Variants in PHETA1 observed in about 807,000 individuals in gnomAD.
The protein encoded by PHETA1 is PH domain containing endocytic trafficking adaptor 1.
For missense variants in PHETA1, 348 were observed against 373.5 expected (o/e 0.93, Z 0.56); for synonymous variants, 155 against 168.9 (o/e 0.92, Z 0.64).
At position 111,363,379 on chromosome 12, in the gene PHETA1, G is replaced by C. The variant is rs1380140038; in HGVS notation, c.49C>G (p.Pro17Ala). 8 of 1,612,846 alleles carry C rather than the reference G, an allele frequency of 5.0e-6. No individual in the cohort carries two copies. The highest frequency in any genetic ancestry group is 6.8e-6 in the Non-Finnish European group (8 of 1,179,866). The change falls in exon 3 of 3, where the codon CCG becomes GCG. Residue 17 changes from proline to alanine, a missense_variant. Pro to Ala is a conservative substitution (Grantham distance 27, BLOSUM62 -1). Coordinates refer to ENST00000683047, the MANE Select transcript of PHETA1 (RefSeq NM_144671.6). This position sits in a 1 kb window ranked among gnomAD's most constrained non-coding sequence, Gnocchi z 7.4. ...TACAGGAAGCCTGCATTGTCCACCG[G>C]GGCGTCACAGGTGGCGTAGAAGGCC... ...SLAFYATCDA[P>A]VDNAGFLYKK...
In PHETA1 at chr12:111,363,295, T is replaced by C; in HGVS notation, c.133A>G (p.Met45Val). The change falls in exon 3 of 3, where the codon ATG becomes GTG. Residue 45 changes from methionine to valine, a missense_variant. Coordinates refer to ENST00000683047, the MANE Select transcript of PHETA1 (RefSeq NM_144671.6). The surrounding 1 kb of genome is among the most constrained non-coding windows in gnomAD (Gnocchi z 7.4). The part of the protein sequence containing the change: ...HRRWFVLRGN[M>V]LFYFEDAASR... ...GCAGCGTCCTCGAAGTAGAAGAGCA[T>C]GTTCCCGCGCAGCACGAACCAGCGC... 2 of 1,613,160 alleles carry C rather than the reference T, an allele frequency of 1.2e-6. No individual in the cohort carries two copies. Among genetic ancestry groups the C allele is most frequent in the Non-Finnish European group, 1.7e-6 (2 of 1,179,930 alleles).
rs1868557353 is a variant in PHETA1, at chr12:111,360,927, A to T, written c.*1751T>A. On this transcript the variant is annotated 3_prime_UTR_variant, in exon 3 of 3. Transcript: ENST00000683047. Reference sequence around the variant, plus strand: ...GACACGGGGCTCTGGGAAGCTCTGAACCCCTCCCATGCCCCAGATCCTGTG... The same window carrying T: ...GACACGGGGCTCTGGGAAGCTCTGATCCCCTCCCATGCCCCAGATCCTGTG... 6.6e-6 allele frequency: 1 copy of T among 152,442 alleles called. No individual in the cohort carries two copies. The highest frequency in any genetic ancestry group is 2.4e-5 in the African/African-American group (1 of 41,322). The allele number at this position is 152,442 out of a possible 1,614,324, so 9.4% of individuals were successfully genotyped here. A position where few individuals can be genotyped will look rare whatever the true frequency, so the allele number is the denominator to read the frequency against.
chr12:111,365,754 G>C, intron 2 of PHETA1: 6 of 245,070 alleles, frequency 2.4e-5, no homozygotes, highest in Admixed American at 5.5e-5. Context: ...ACATATCGGG[G>C]CCTGTTGGGG....
Position 111,362,895 on chromosome 12 carries a change from G to A in PHETA1, c.533C>T (p.Pro178Leu). The A allele has an allele frequency of 6.6e-7, 1 of 1,519,758 alleles. No individual in the cohort carries two copies. The highest frequency in any genetic ancestry group is 8.8e-7 in the Non-Finnish European group (1 of 1,138,162). The allele number at this position is 1,519,758 out of a possible 1,614,324, so 94.1% of individuals were successfully genotyped here. A position where few individuals can be genotyped will look rare whatever the true frequency, so the allele number is the denominator to read the frequency against. ...ATTCTCCTTGGGCGGGAGGGCACTG[G>A]GCCGGCGGGGCAGGGGCAGGGCTGG... is the stretch of plus-strand genomic sequence containing the variant. ...PVPALPLPRR[P>L]SALPPKENGC... is the part of the protein sequence containing the mutation. The change falls in exon 3 of 3, where the codon CCC becomes CTC. Residue 178 changes from proline (P) to leucine (L), a missense_variant. Physicochemically the swap from Pro to Leu is moderately conservative, Grantham distance 98. Transcript: ENST00000683047.
chr12:111,363,033 C>T lies in PHETA1; in HGVS notation c.395G>A (p.Gly132Asp). Residue 132 changes from glycine to aspartate, a missense_variant, in exon 3 of 3, where the codon GGC becomes GAC. By Grantham distance (94) the Gly-to-Asp change is moderately conservative. Coordinates refer to ENST00000683047, the MANE Select transcript of PHETA1 (RefSeq NM_144671.6). This position sits in a 1 kb window ranked among gnomAD's most constrained non-coding sequence, Gnocchi z 7.4. ...CTGGGGCAGGGCCATGCCACCCCCG[C>T]CACGTACAGCCGCCAGCTGCTGCTC... is the stretch of plus-strand genomic sequence containing the variant. ...ELEQQLAAVR[G>D]GGGMALPQPQ... 1 of 1,522,536 alleles carries T rather than the reference C, an allele frequency of 6.6e-7. No homozygotes were observed. The highest frequency in any genetic ancestry group is 8.8e-7 in the Non-Finnish European group (1 of 1,142,258). The allele number at this position is 1,522,536 out of a possible 1,614,324, so 94.3% of individuals were successfully genotyped here. A position where few individuals can be genotyped will look rare whatever the true frequency, so the allele number is the denominator to read the frequency against.
At chr12:111,365,201 C>T (rs1322403397) in intron 2 of PHETA1, among the ~76,000 whole-genome samples, 1 of 152,256 alleles carries the variant, frequency 6.6e-6, no homozygotes, top group East Asian at 1.9e-4. Context: ...TTATCTCCCA[C>T]TGCAGAGCCT....
intron 2 of PHETA1, among the ~76,000 whole-genome samples, chr12:111,364,794 G>T (rs1479858742): frequency 1.3e-5 from 2 of 152,036 alleles, no homozygotes; most frequent in African/African-American, 2.4e-5. Context: ...CAGGCATGGT[G>T]GGGGGTGCCT....
intron 2 of PHETA1, among the ~76,000 whole-genome samples, chr12:111,365,323 G>A (rs1400576346): frequency 6.6e-6 from 1 of 152,232 alleles, no homozygotes; most frequent in African/African-American, 2.4e-5. Context: ...CTTTCTCAGA[G>A]CCTGGTGGAA....
rs373506063 is a variant in PHETA1, at chr12:111,363,274, C to A, written c.154G>T (p.Ala52Ser). Residue 52 changes from alanine (A) to serine (S), a missense_variant, in exon 3 of 3, where the codon GCT becomes TCT. By Grantham distance (99) the Ala-to-Ser change is moderately conservative. Coordinates refer to ENST00000683047, the MANE Select transcript of PHETA1 (RefSeq NM_144671.6). This position sits in a 1 kb window ranked among gnomAD's most constrained non-coding sequence, Gnocchi z 7.4. ...RGNMLFYFED[A>S]ASREPVGVII... ...ACGCCCACGGGCTCACGGCTGGCAG[C>A]GTCCTCGAAGTAGAAGAGCATGTTC... 6.2e-7 allele frequency: 1 copy of A among 1,613,008 alleles called. No individual in the cohort carries two copies. The highest frequency in any genetic ancestry group is 8.5e-7 in the Non-Finnish European group (1 of 1,179,914).
intron 1 of PHETA1, among the ~76,000 whole-genome samples, chr12:111,366,951 C>G (rs945785775): frequency 4.0e-5 from 6 of 151,066 alleles, no homozygotes; most frequent in Admixed American, 1.3e-4. Context: ...GCCTCTAGTC[C>G]TAGCTATCTG....
Position 111,363,322 on chromosome 12 carries a change from G to T in PHETA1, c.106C>A (p.Arg36=). 1.2e-6 allele frequency: 2 copies of T among 1,613,170 alleles called. No homozygotes were observed. The highest frequency in any genetic ancestry group is 1.7e-6 in the Non-Finnish European group (2 of 1,179,958). Residue 36 remains arginine, a synonymous_variant, in exon 3 of 3, where the codon CGG becomes AGG. Transcript: ENST00000683047. This position sits in a 1 kb window ranked among gnomAD's most constrained non-coding sequence, Gnocchi z 7.4. ...KKGGRHAAYH[R]RWFVLRGNML... is the part of the protein sequence containing the mutation. ...TTCCCGCGCAGCACGAACCAGCGCCGGTGGTAGGCCGCGTGCCGCCCACCC... is the reference window on the plus strand; with the variant it reads ...TTCCCGCGCAGCACGAACCAGCGCCTGTGGTAGGCCGCGTGCCGCCCACCC...
At position 111,363,536 on chromosome 12, in the gene PHETA1, G is replaced by A; in HGVS notation, c.-36-73C>T. The A allele has an allele frequency of 6.5e-7, 1 of 1,533,556 alleles. No individual in the cohort carries two copies. Among genetic ancestry groups the A allele is most frequent in the Non-Finnish European group, 8.7e-7 (1 of 1,143,702 alleles). The allele number at this position is 1,533,556 out of a possible 1,614,324, so 95.0% of individuals were successfully genotyped here. A position where few individuals can be genotyped will look rare whatever the true frequency, so the allele number is the denominator to read the frequency against. The stretch of plus-strand genomic sequence containing the variant: ...TCACCCAGTGCCCCAAGGGGACCTT[G>A]CAGCCACTCTACATCCCCGTTTCAC... On this transcript the variant is annotated intron_variant, in intron 2 of 2. Coordinates refer to ENST00000683047, the MANE Select transcript of PHETA1 (RefSeq NM_144671.6). The surrounding 1 kb of genome is among the most constrained non-coding windows in gnomAD (Gnocchi z 7.4).
chr12:111,364,388 T>C (rs1318915011), intron 2 of PHETA1, among the ~76,000 whole-genome samples: 2 of 149,054 alleles, frequency 1.3e-5, no homozygotes, highest in Admixed American at 6.7e-5. Flanking sequence ...GCCCTCGTGG[T>C]GTTGAAATGC....
At position 111,368,701 on chromosome 12, in the gene PHETA1, C is replaced by T. The variant is rs1184261770; in HGVS notation, c.-182+211G>A. ...TGGGGGGCTTATCCGCAGTCCCCAC[C>T]AGCGGCAGACGTCCCTATGGGCTGA... On this transcript the variant is annotated intron_variant, in intron 1 of 2. Transcript: ENST00000683047. This position sits in a 1 kb window ranked among gnomAD's most constrained non-coding sequence, Gnocchi z 5.0. 2.0e-5 allele frequency among the ~76,000 whole-genome samples: 3 copies of T among 152,248 alleles called. No individual in the cohort carries two copies. Among genetic ancestry groups the T allele is most frequent in the Non-Finnish European group, 4.4e-5 (3 of 68,038 alleles).
chr12:111,363,062 C>T lies in PHETA1; in HGVS notation c.366G>A (p.Glu122=), dbSNP rs1180223684. ...GTACAGCCGCCAGCTGCTGCTCCAG[C>T]TCGCGCACCACCAGCCGCAGGTAGT... ...SFDYLRLVVR[E]LEQQLAAVRG... The change falls in exon 3 of 3, where the codon GAG becomes GAA. Residue 122 remains glutamate, a synonymous_variant. Coordinates refer to ENST00000683047, the MANE Select transcript of PHETA1 (RefSeq NM_144671.6). This position sits in a 1 kb window ranked among gnomAD's most constrained non-coding sequence, Gnocchi z 7.4. 2 of 1,570,706 alleles carry T rather than the reference C, an allele frequency of 1.3e-6. No individual in the cohort carries two copies. Among genetic ancestry groups the T allele is most frequent in the Non-Finnish European group, 1.7e-6 (2 of 1,163,084 alleles).
rs769167150 is a variant in PHETA1 at position 111,363,504 on chromosome 12, C to G, written c.-36-41G>C. The G allele has an allele frequency of 6.4e-7, 1 of 1,556,178 alleles. No individual in the cohort carries two copies. Among genetic ancestry groups the G allele is most frequent in the African/African-American group, 1.4e-5 (1 of 73,794 alleles). On this transcript the variant is annotated intron_variant, in intron 2 of 2. Coordinates refer to ENST00000683047, the MANE Select transcript of PHETA1 (RefSeq NM_144671.6). The surrounding 1 kb of genome is among the most constrained non-coding windows in gnomAD (Gnocchi z 7.4). Reference sequence around the variant, plus strand: ...GGGCTGTTATGCACAAGGCCACTGACGCTAGGTCACCCAGTGCCCCAAGGG... The same window carrying G: ...GGGCTGTTATGCACAAGGCCACTGAGGCTAGGTCACCCAGTGCCCCAAGGG...
In PHETA1 at chr12:111,362,995, ACTGGGG is replaced by A. The variant is rs748478697; in HGVS notation, c.427_432del (p.Pro143_Gln144del). On this transcript the variant is annotated inframe_deletion, in exon 3 of 3. Coordinates refer to ENST00000683047, the MANE Select transcript of PHETA1 (RefSeq NM_144671.6). ...GGCAGGGACGGGGGCAAGGGCAGGG[ACTGGGG>A]CTGGGGCTGGGGCAGGGCCATGCCA... 1.1e-4 allele frequency: 157 copies of A among 1,488,096 alleles called. No homozygotes were observed. The highest frequency in any genetic ancestry group is 2.2e-4 in the Middle Eastern group (1 of 4,600). The allele number at this position is 1,488,096 out of a possible 1,614,324, so 92.2% of individuals were successfully genotyped here.
rs750139145 is a variant in PHETA1 at position 111,362,453 on chromosome 12, C to A, written c.*225G>T. The A allele has an allele frequency of 8.5e-6, 10 of 1,170,208 alleles. No individual in the cohort carries two copies. Among genetic ancestry groups the A allele is most frequent in the Middle Eastern group, 2.0e-4 (1 of 5,042 alleles). The allele number at this position is 1,170,208 out of a possible 1,614,324, so 72.5% of individuals were successfully genotyped here. A position where few individuals can be genotyped will look rare whatever the true frequency, so the allele number is the denominator to read the frequency against. ...GGATTCTCCTTAGTGTTGCACGTGA[C>A]GTTCCCCTCAAGGGTAGGCCTTCTG... On this transcript the variant is annotated 3_prime_UTR_variant, in exon 3 of 3. Transcript: ENST00000683047.
At chr12:111,366,639 A>C (rs942930744) in intron 1 of PHETA1, among the ~76,000 whole-genome samples, 7 of 152,026 alleles carry the variant, frequency 4.6e-5, no homozygotes, top group Non-Finnish European at 8.8e-5. Context: ...TCAAGGTAAG[A>C]TCCAAGCCTC....
Sources: gnomAD v4.1 joint callset for allele counts (sites outside exome capture counted in the v4.1 genomes callset) on GRCh38, gnomAD v4.1.1 for gene constraint, Gnocchi (gnomAD v3.1) non-coding constraint, MANE v1.5 for transcripts, NCBI Gene and HGNC (gene_info 2026-07-23, HGNC 2026-07-21) for gene names.